The following MALT1 variants were observed in gnomAD, a reference collection of about 807,000 sequenced individuals.
MALT1 encodes mucosa-associated lymphoid tissue lymphoma translocation protein 1.
MALT1 carries 36 observed loss-of-function variants against 85.5 expected under a neutral mutation model. The observed-to-expected ratio is 0.42, with a 90% CI of 0.32 to 0.56. MALT1 has a LOEUF of 0.56. Among genes scored for constraint, MALT1 ranks in the 20% least tolerant of loss-of-function variants. The pLI, the probability that MALT1 is intolerant of heterozygous loss-of-function variation, is 0.10. For missense variants in MALT1, 716 were observed against 981.6 expected, an observed-to-expected ratio of 0.73 and a Z score of 3.62; for synonymous variants, 359 against 361.3, an observed-to-expected ratio of 0.99 and a Z score of 0.07.
At chr18:58,739,185 T>G (rs1271071930) in intron 13 of MALT1, among the ~76,000 whole-genome samples, 2 of 152,256 alleles carry the variant, frequency 1.3e-5, no homozygotes, top group Non-Finnish European at 2.9e-5. Flanking sequence ...TTCATTGGGA[T>G]GTATATTTTT....
chr18:58,690,394 C>T (rs1423453406), intron 2 of MALT1: 1 of 154,200 alleles, frequency 6.5e-6, no homozygotes, highest in East Asian at 1.9e-4. Context: ...CACTGACTAG[C>T]TCCAGGCAGC....
intron 3 of MALT1, among the ~76,000 whole-genome samples, chr18:58,698,765 C>G (rs2054630543): frequency 6.6e-6 from 1 of 151,932 alleles, no homozygotes; most frequent in Admixed American, 6.5e-5. Context: ...TAGGGAAAGG[C>G]AGGGGCCCTG....
intron 13 of MALT1, among the ~76,000 whole-genome samples, chr18:58,736,243 A>C (rs2055219556): frequency 6.6e-6 from 1 of 152,232 alleles, no homozygotes; most frequent in Non-Finnish European, 1.5e-5. Context: ...ACCAACTGTC[A>C]GCCATATTTA....
intron 8 of MALT1, 38 bp from the exon 9 acceptor site, chr18:58,715,897 A>G (rs778857010): frequency 1.4e-6 from 2 of 1,455,984 alleles, no homozygotes; most frequent in Admixed American, 1.8e-5. Flanking sequence ...GAAATATACC[A>G]TGGATCTTAC....
At chr18:58,689,506 T>G (rs770286421) in intron 2 of MALT1, among the ~76,000 whole-genome samples, 2 of 152,212 alleles carry the variant, frequency 1.3e-5, no homozygotes, top group African/African-American at 2.4e-5. Flanking sequence ...TAACACCCAC[T>G]GCAGTGCCAT....
chr18:58,727,628 G>GTTTTTGTTTTT (rs2055080749), intron 10 of MALT1, among the ~76,000 whole-genome samples: 1 of 130,644 alleles, frequency 7.7e-6, no homozygotes, highest in African/African-American at 3.0e-5. Flanking sequence ...TTTTTTTTTT[G>GTTTTTGTTTTT]TTTTTTTTTT....
chr18:58,700,659 A>C (rs2054658388), intron 4 of MALT1, 68 bp downstream of exon 4: 6 of 1,346,840 alleles, frequency 4.5e-6, no homozygotes, highest in Non-Finnish European at 5.8e-6. Context: ...TTAAATGTTT[A>C]CTTTTAAACA....
chr18:58,747,802 CA>C lies in MALT1; in HGVS notation c.2436del (p.Phe813LeufsTer20), dbSNP rs781462845. 6.2e-7 allele frequency: 1 copy of C among 1,613,830 alleles called. No individual in the cohort carries two copies. The highest frequency in any genetic ancestry group is 8.5e-7 in the Non-Finnish European group (1 of 1,179,806). On this transcript the variant is annotated frameshift_variant, in exon 17 of 17. Transcript: ENST00000649217. LOFTEE classifies it high-confidence loss of function. ...CCAGTAGAGACAACTGATGAAATAC[CA>C]TTTAGTTTCTCTGACAGGCTCAGAA... ...NVPVETTDEI[P>X]FSFSDRLRIS...
chr18:58,729,349 C>T (rs2055111335), intron 10 of MALT1, among the ~76,000 whole-genome samples: 1 of 151,792 alleles, frequency 6.6e-6, no homozygotes, highest in Admixed American at 6.6e-5. Context: ...ATTGGCTGGG[C>T]ATGGTGGCGT....
intron 4 of MALT1, among the ~76,000 whole-genome samples, chr18:58,701,833 C>T (rs536104590): frequency 3.0e-4 from 45 of 152,266 alleles, no homozygotes; most frequent in African/African-American, 1.1e-3. Context: ...TAACTGAACT[C>T]CTGAAGGGAA....
intron 4 of MALT1, among the ~76,000 whole-genome samples, chr18:58,706,568 CT>C (rs760394670): frequency 6.6e-6 from 1 of 152,188 alleles, no homozygotes; most frequent in African/African-American, 2.4e-5. Flanking sequence ...TAAAATTTCC[CT>C]TCTGGCTGAA....
At chr18:58,739,026 A>AATTTT (rs1307817469) in intron 13 of MALT1, among the ~76,000 whole-genome samples, 1 of 152,132 alleles carries the variant, frequency 6.6e-6, no homozygotes, top group Admixed American at 6.5e-5. Flanking sequence ...TTTTTTTGAA[A>AATTTT]ATTTTTATTA....
At chr18:58,705,411 T>G (rs1004501843) in intron 4 of MALT1, among the ~76,000 whole-genome samples, 4 of 150,988 alleles carry the variant, frequency 2.6e-5, no homozygotes, top group Non-Finnish European at 5.9e-5. Context: ...GCCATGCTGG[T>G]GCACTGCACC....
intron 9 of MALT1, among the ~76,000 whole-genome samples, chr18:58,719,145 C>T (rs1602318841): frequency 6.6e-6 from 1 of 152,124 alleles, no homozygotes; most frequent in East Asian, 1.9e-4. Context: ...TCTCATTGTT[C>T]TGTGGGTTGG....
In MALT1 at chr18:58,745,764, C is replaced by G; in HGVS notation, c.2010C>G (p.Thr670=). The G allele has an allele frequency of 1.2e-6, 2 of 1,613,560 alleles. No homozygotes were observed. Among genetic ancestry groups the G allele is most frequent in the Non-Finnish European group, 8.5e-7 (1 of 1,179,770 alleles). ...SKDLPKHCLY[T]RLSSLQKLKE... is the part of the protein sequence containing the mutation. ...ATCTTCCCAAGCATTGCCTCTATACCAGACTCAGTTCACTGCAAAAATTAA... is the reference window on the plus strand; with the variant it reads ...ATCTTCCCAAGCATTGCCTCTATACGAGACTCAGTTCACTGCAAAAATTAA... The change falls in exon 16 of 17, where the codon ACC becomes ACG. Residue 670 remains threonine, a synonymous_variant. Coordinates refer to ENST00000649217, the MANE Select transcript of MALT1 (RefSeq NM_006785.4).
At chr18:58,686,511 A>G (rs2054405737) in intron 2 of MALT1, among the ~76,000 whole-genome samples, 1 of 152,182 alleles carries the variant, frequency 6.6e-6, no homozygotes, top group African/African-American at 2.4e-5. Flanking sequence ...TGTGGATCTC[A>G]TTAAGATGAA....
At chr18:58,714,147 T>G in intron 8 of MALT1, 38 bp downstream of exon 8, 1 of 1,133,406 alleles carries the variant, frequency 8.8e-7, no homozygotes, top group South Asian at 1.3e-5. Context: ...TTTTAGATTT[T>G]TAAGTTGTTG....
chr18:58,727,168 T>C (rs982464835), intron 10 of MALT1, among the ~76,000 whole-genome samples: 19 of 152,226 alleles, frequency 1.2e-4, no homozygotes, highest in Admixed American at 1.2e-3. Flanking sequence ...CACTTTTTCA[T>C]CTTTAGATTG....
Position 58,671,477 on chromosome 18 carries a change from T to G in MALT1, c.-167T>G, listed in dbSNP as rs1437906178. 31 of 408,174 alleles carry G rather than the reference T, an allele frequency of 7.6e-5. No individual in the cohort carries two copies. Among genetic ancestry groups the G allele is most frequent in the Non-Finnish European group, 1.0e-4 (25 of 247,250 alleles). The allele number at this position is 408,174 out of a possible 1,614,324, so 25.3% of individuals were successfully genotyped here. On this transcript the variant is annotated 5_prime_UTR_variant, in exon 1 of 17. Coordinates refer to ENST00000649217, the MANE Select transcript of MALT1 (RefSeq NM_006785.4). Reference sequence around the variant, plus strand: ...GGCTCCCCTCGGCAAACCTGTCTAATTGGGGCGGGGAGCGGAGCTTCCTCC... The same window carrying G: ...GGCTCCCCTCGGCAAACCTGTCTAAGTGGGGCGGGGAGCGGAGCTTCCTCC...
Sources: gnomAD v4.1 joint callset for allele counts (sites outside exome capture counted in the v4.1 genomes callset) on GRCh38, gnomAD v4.1.1 for gene constraint, MANE v1.5 for transcripts, NCBI Gene and HGNC (gene_info 2026-07-23, HGNC 2026-07-21) for gene names.